Variants in SPIB observed in about 807,000 individuals in gnomAD.
The protein encoded by SPIB is transcription factor Spi-B.
Under a neutral mutation model 31.9 loss-of-function variants are expected in SPIB, and 7 were observed. The observed-to-expected ratio is 0.22, with a 90% CI of 0.12 to 0.41. SPIB has a LOEUF of 0.41. Among genes scored for constraint, SPIB ranks in the 10% least tolerant of loss-of-function variants. SPIB has a pLI of 1.00. For synonymous variants in SPIB, 176 were observed against 158.9 expected (o/e 1.11, Z -0.81); for missense variants, 327 against 360.2 (o/e 0.91, Z 0.75).
chr19:50,430,952 C>T lies in SPIB; in HGVS notation c.*2616C>T. 1 of 152,336 alleles carries T rather than the reference C, an allele frequency of 6.6e-6. No homozygotes were observed. Among genetic ancestry groups the T allele is most frequent in the Non-Finnish European group, 1.5e-5 (1 of 68,040 alleles). 9.4% of individuals were successfully genotyped at this position (152,336 alleles called of 1,614,324 possible). On this transcript the variant is annotated 3_prime_UTR_variant, in exon 6 of 6. Transcript: ENST00000595883. ...GGGGAGGGAGGAAGGGCAGGTAAAA[C>T]GTCCTCCCCAGGGCCCCCTGCAACG...
chr19:50,423,217 A>AAAAAAAG (rs1555794634), intron 4 of SPIB, 180 bp downstream of exon 4: 1 of 463,358 alleles, frequency 2.2e-6, no homozygotes, highest in Non-Finnish European at 3.8e-6. Context: ...AAAAAAAAAA[A>AAAAAAAG]AAAAAGAAAA....
chr19:50,422,782 C>A, intron 3 of SPIB, 41 bp from the exon 4 acceptor site: 1 of 1,360,062 alleles, frequency 7.4e-7, no homozygotes, highest in South Asian at 1.3e-5. Context: ...AGGAGGCCTC[C>A]GTGAGACATC....
In SPIB at chr19:50,428,096, C is replaced by G. The variant is rs1231787782; in HGVS notation, c.549C>G (p.Asp183Glu). 1 of 1,582,032 alleles carries G rather than the reference C, an allele frequency of 6.3e-7. No homozygotes were observed. Among genetic ancestry groups the G allele is most frequent in the Admixed American group, 1.8e-5 (1 of 55,096 alleles). ...TGCTGGGGCTACTGACGCGCGGGGA[C>G]ATGCGTGAGTGCGTGTGGTGGGTGG... ...QFLLGLLTRG[D>E]MRECVWWVEP... The change falls in exon 6 of 6, where the codon GAC becomes GAG. Residue 183 changes from aspartate (D) to glutamate (E), a missense_variant. Transcript: ENST00000595883. The surrounding 1 kb of genome is among the most constrained non-coding windows in gnomAD (Gnocchi z 6.5).
chr19:50,421,864 C>T (rs537430861), intron 2 of SPIB, among the ~76,000 whole-genome samples: 16 of 152,332 alleles, frequency 1.1e-4, no homozygotes, highest in South Asian at 4.1e-4. Flanking sequence ...ATTCACTGGC[C>T]TCAGCCTCCC....
Position 50,429,518 on chromosome 19 carries a change from C to T in SPIB, c.*1182C>T, listed in dbSNP as rs1289976595. On this transcript the variant is annotated 3_prime_UTR_variant, in exon 6 of 6. Transcript: ENST00000595883. ...AGGCATTCAAGACCAGCCTGGGCAA[C>T]ATAATGAGACCTCGTCTCTACAAAA... The T allele has an allele frequency of 6.6e-6, 1 of 152,038 alleles. No homozygotes were observed. The highest frequency in any genetic ancestry group is 1.5e-5 in the Non-Finnish European group (1 of 68,088). The allele number at this position is 152,038 out of a possible 1,614,324, so 9.4% of individuals were successfully genotyped here.
chr19:50,419,585 C>G (rs74885640), intron 1 of SPIB, among the ~76,000 whole-genome samples: 13,230 of 152,196 alleles, frequency 0.087, 784 homozygotes, highest in Middle Eastern at 0.15. Flanking sequence ...TCTCTCCATC[C>G]TTCTCCTCTG....
chr19:50,428,618 C>A lies in SPIB; in HGVS notation c.*282C>A. On this transcript the variant is annotated 3_prime_UTR_variant, in exon 6 of 6. Transcript: ENST00000595883. The surrounding 1 kb of genome is among the most constrained non-coding windows in gnomAD (Gnocchi z 6.5). ...GACAGGACCTATGGACCACTATACT[C>A]GGGGAGGCAGGGTAGCAGTTCTTCC... 2.5e-6 allele frequency: 1 copy of A among 399,274 alleles called. No homozygotes were observed. Among genetic ancestry groups the A allele is most frequent in the Non-Finnish European group, 4.4e-6 (1 of 225,028 alleles). 24.7% of individuals were successfully genotyped at this position (399,274 alleles called of 1,614,324 possible). A position where few individuals can be genotyped will look rare whatever the true frequency, so the allele number is the denominator to read the frequency against.
At chr19:50,419,621 C>T (rs1389384556) in intron 1 of SPIB, among the ~76,000 whole-genome samples, 1 of 152,186 alleles carries the variant, frequency 6.6e-6, no homozygotes, top group East Asian at 1.9e-4. Context: ...AACTGACTCG[C>T]CACCAAGGCC....
intron 5 of SPIB, among the ~76,000 whole-genome samples, chr19:50,426,571 G>A (rs1048120720): frequency 6.6e-6 from 1 of 152,066 alleles, no homozygotes. Context: ...TCAGCTCACT[G>A]CAACCTCTGC....
intron 5 of SPIB, among the ~76,000 whole-genome samples, chr19:50,424,053 A>G (rs1417157670): frequency 6.6e-6 from 1 of 152,148 alleles, no homozygotes; most frequent in African/African-American, 2.4e-5. Flanking sequence ...GAGCACTTCA[A>G]TAAGTCAACC....
intron 4 of SPIB, among the ~76,000 whole-genome samples, chr19:50,423,402 C>T (rs1475179682): frequency 6.6e-6 from 1 of 152,074 alleles, no homozygotes; most frequent in Non-Finnish European, 1.5e-5. Flanking sequence ...AGGGCAGACT[C>T]GCATTACCTG....
chr19:50,419,783 A>G (rs752942255), intron 1 of SPIB, 163 bp from the exon 2 acceptor site: 29 of 603,274 alleles, frequency 4.8e-5, no homozygotes, highest in Non-Finnish European at 7.5e-5. Flanking sequence ...TTCCTGTCCC[A>G]GCAGGGGGTA....
intron 2 of SPIB, among the ~76,000 whole-genome samples, chr19:50,422,232 C>T (rs1215663826): frequency 2.0e-5 from 3 of 152,206 alleles, no homozygotes; most frequent in Admixed American, 1.3e-4. Context: ...TGGGAGCCCA[C>T]CGTCTTAGCA....
chr19:50,419,716 G>C (rs1212600961), intron 1 of SPIB, among the ~76,000 whole-genome samples: 1 of 152,156 alleles, frequency 6.6e-6, no homozygotes, highest in East Asian at 1.9e-4. Flanking sequence ...TCCCCACCAG[G>C]GTGTCTATGC....
chr19:50,422,431 A>T (rs2039507381), intron 2 of SPIB, 42 bp from the exon 3 acceptor site: 1 of 1,599,600 alleles, frequency 6.3e-7, no homozygotes, highest in African/African-American at 1.3e-5. Context: ...GGAGTCCCCA[A>T]GGCCTGGGAT....
intron 5 of SPIB, 85 bp from the exon 6 acceptor site, chr19:50,427,953 G>C (rs1673430217): frequency 7.1e-7 from 1 of 1,404,014 alleles, no homozygotes; most frequent in Admixed American, 3.0e-5. Context: ...ATGGAGGCCG[G>C]GGTGGAAGTC....
Position 50,418,950 on chromosome 19 carries a change from G to A in SPIB, c.-13G>A, listed in dbSNP as rs1224802594. The stretch of plus-strand genomic sequence containing the variant: ...GGCTGCAGCGGGCGGCAAACAGCCC[G>A]CCCGGCACCACCATGCTCGCCCTGG... On this transcript the variant is annotated 5_prime_UTR_variant, in exon 1 of 6. Coordinates refer to ENST00000595883, the MANE Select transcript of SPIB (RefSeq NM_003121.5). The surrounding 1 kb of genome is among the most constrained non-coding windows in gnomAD (Gnocchi z 6.0). The A allele has an allele frequency of 7.7e-6, 12 of 1,553,388 alleles. No homozygotes were observed. Among genetic ancestry groups the A allele is most frequent in the Admixed American group, 1.9e-5 (1 of 51,658 alleles).
At chr19:50,426,131 T>C (rs969789728) in intron 5 of SPIB, among the ~76,000 whole-genome samples, 3 of 151,990 alleles carry the variant, frequency 2.0e-5, no homozygotes, top group Non-Finnish European at 4.4e-5. Flanking sequence ...ATCGCTTGAA[T>C]CCAGGAGGCA....
chr19:50,430,339 G>C lies in SPIB; in HGVS notation c.*2003G>C, dbSNP rs2039625857. 1 of 152,168 alleles carries C rather than the reference G, an allele frequency of 6.6e-6. No individual in the cohort carries two copies. Among genetic ancestry groups the C allele is most frequent in the Non-Finnish European group, 1.5e-5 (1 of 68,072 alleles). The allele number at this position is 152,168 out of a possible 1,614,324, so 9.4% of individuals were successfully genotyped here. On this transcript the variant is annotated 3_prime_UTR_variant, in exon 6 of 6. Transcript: ENST00000595883. ...TCAAAGGCTGCGGGCCAAGAGGCCA[G>C]AGGTCCTTGAGCCTGGGTGGGCAGG...
Sources: allele counts gnomAD v4.1 joint callset (sites outside exome capture counted in the v4.1 genomes callset), GRCh38; gene constraint gnomAD v4.1.1; non-coding constraint Gnocchi (gnomAD v3.1); transcripts MANE v1.5; gene names NCBI Gene and HGNC (gene_info 2026-07-23, HGNC 2026-07-21).